The following MAPKAPK2 variants were observed in gnomAD, a reference collection of about 807,000 sequenced individuals.
The protein encoded by MAPKAPK2 is MAP kinase-activated protein kinase 2.
A neutral mutation model predicts 48.8 loss-of-function variants in MAPKAPK2; 9 were observed. That is an observed-to-expected ratio of 0.18 (90% CI 0.11 to 0.32). MAPKAPK2 has a LOEUF of 0.32. MAPKAPK2 is among the 10% of genes least tolerant of loss of function. MAPKAPK2 has a pLI of 1.00. For synonymous variants in MAPKAPK2, 202 were observed against 190.6 expected (o/e 1.06, Z -0.49); for missense variants, 331 against 498.3 (o/e 0.66, Z 3.20).
At chr1:206,686,804 A>G (rs562621720) in intron 1 of MAPKAPK2, among the ~76,000 whole-genome samples, 1 of 152,208 alleles carries the variant, frequency 6.6e-6, no homozygotes, top group African/African-American at 2.4e-5. Flanking sequence ...GGCCTCTAGA[A>G]TTGTTTTCCT....
chr1:206,709,635 A>G (rs951392377), intron 1 of MAPKAPK2, among the ~76,000 whole-genome samples: 1 of 152,246 alleles, frequency 6.6e-6, no homozygotes, highest in Non-Finnish European at 1.5e-5. Flanking sequence ...GGCATTTATT[A>G]TGAACTTTCT....
chr1:206,697,786 G>A (rs1672675684), intron 1 of MAPKAPK2, among the ~76,000 whole-genome samples: 1 of 152,248 alleles, frequency 6.6e-6, no homozygotes. Context: ...ACCTCATGGG[G>A]CTGCTTAACT....
At chr1:206,699,291 A>G (rs1672726309) in intron 1 of MAPKAPK2, among the ~76,000 whole-genome samples, 1 of 152,194 alleles carries the variant, frequency 6.6e-6, no homozygotes, top group African/African-American at 2.4e-5. Context: ...AGGGTGGCCA[A>G]TAAAGGATGC....
At chr1:206,714,605 A>G (rs1673266738) in intron 1 of MAPKAPK2, among the ~76,000 whole-genome samples, 1 of 151,616 alleles carries the variant, frequency 6.6e-6, no homozygotes, top group Non-Finnish European at 1.5e-5. Flanking sequence ...CTCTACTTAA[A>G]AAAAAAAAAA....
intron 1 of MAPKAPK2, among the ~76,000 whole-genome samples, chr1:206,691,395 A>AAT (rs1389659460): frequency 1.3e-5 from 2 of 151,036 alleles, no homozygotes; most frequent in Non-Finnish European, 2.9e-5. Context: ...TGGACAGTGT[A>AAT]ATAACGTATG....
chr1:206,696,045 A>G (rs879952969), intron 1 of MAPKAPK2: 5 of 878,812 alleles, frequency 5.7e-6, no homozygotes, highest in African/African-American at 4.9e-5. Flanking sequence ...CGGGCAGCCA[A>G]CATAGCAGCA....
chr1:206,729,838 G>A (rs782415022), intron 4 of MAPKAPK2, 134 bp from the exon 5 acceptor site: 30 of 1,091,316 alleles, frequency 2.7e-5, no homozygotes, highest in Non-Finnish European at 3.7e-5. Flanking sequence ...GCCACTCCTC[G>A]TGGTGGGCAG....
intron 1 of MAPKAPK2, among the ~76,000 whole-genome samples, chr1:206,703,644 T>A (rs912572997): frequency 6.6e-5 from 10 of 152,220 alleles, no homozygotes; most frequent in African/African-American, 2.4e-4. Context: ...CACACACTTG[T>A]ATTCAGCGAT....
chr1:206,713,446 G>C (rs772055175), intron 1 of MAPKAPK2, among the ~76,000 whole-genome samples: 4 of 152,212 alleles, frequency 2.6e-5, no homozygotes, highest in South Asian at 4.1e-4. Context: ...AGGGAATTTG[G>C]ATTTTATCAT....
intron 1 of MAPKAPK2, among the ~76,000 whole-genome samples, chr1:206,708,494 G>A (rs782663609): frequency 6.6e-6 from 1 of 152,104 alleles, no homozygotes; most frequent in African/African-American, 2.4e-5. Flanking sequence ...CCATTGACCA[G>A]TCCATCTTAT....
chr1:206,685,286 GCCGCCGCA>G lies in MAPKAPK2; in HGVS notation c.58_65del (p.Pro20AlafsTer40). ...CGGTGCCGTTCCCCGCCCCGGCCCC[GCCGCCGCA>G]GCCCCCCACCCCTGCCCTGCCGCAC... is the stretch of plus-strand genomic sequence containing the variant. On this transcript the variant is annotated frameshift_variant, in exon 1 of 10. Coordinates refer to ENST00000367103, the MANE Select transcript of MAPKAPK2 (RefSeq NM_032960.4). LOFTEE classifies it high-confidence loss of function. The G allele has an allele frequency of 4.2e-5, 7 of 164,748 alleles. No homozygotes were observed. Among genetic ancestry groups the G allele is most frequent in the Admixed American group, 8.1e-5 (1 of 12,324 alleles). The allele number at this position is 164,748 out of a possible 1,614,324, so 10.2% of individuals were successfully genotyped here. A position where few individuals can be genotyped will look rare whatever the true frequency, so the allele number is the denominator to read the frequency against.
intron 1 of MAPKAPK2, among the ~76,000 whole-genome samples, chr1:206,722,902 G>A (rs1289229012): frequency 1.3e-5 from 2 of 152,142 alleles, no homozygotes; most frequent in Admixed American, 6.5e-5. Context: ...AACCAGAGTG[G>A]GTGGCCCTGG....
intron 4 of MAPKAPK2, 32 bp downstream of exon 4, chr1:206,729,507 G>A (rs1407520428): frequency 5.7e-6 from 9 of 1,589,868 alleles, no homozygotes; most frequent in Non-Finnish European, 7.8e-6. Flanking sequence ...GAGCCCGAGT[G>A]CTGTGGGGGG....
At chr1:206,702,005 A>G (rs1384975156) in intron 1 of MAPKAPK2, among the ~76,000 whole-genome samples, 7 of 152,162 alleles carry the variant, frequency 4.6e-5, no homozygotes, top group Non-Finnish European at 1.0e-4. Context: ...GTTGAATCCA[A>G]GACTCTTCAG....
chr1:206,712,961 A>C (rs954610076), intron 1 of MAPKAPK2, among the ~76,000 whole-genome samples: 3 of 12,730 alleles, frequency 2.4e-4, no homozygotes, highest in Admixed American at 1.1e-3. Flanking sequence ...ATGAGACTCC[A>C]TCACACACAC....
In MAPKAPK2 at chr1:206,732,891, G is replaced by A. The variant is rs1673973282; in HGVS notation, c.*173G>A. On this transcript the variant is annotated 3_prime_UTR_variant, in exon 10 of 10. Coordinates refer to ENST00000367103, the MANE Select transcript of MAPKAPK2 (RefSeq NM_032960.4). This position sits in a 1 kb window ranked among gnomAD's most constrained non-coding sequence, Gnocchi z 4.4. ...CCTTGGTTCTGGCCACCCCAGAGTG[G>A]GAGAGGCTGGGAGGTTGGGAGGCTG... 1 of 697,086 alleles carries A rather than the reference G, an allele frequency of 1.4e-6. No individual in the cohort carries two copies. Among genetic ancestry groups the A allele is most frequent in the South Asian group, 2.3e-5 (1 of 44,368 alleles). 43.2% of individuals were successfully genotyped at this position (697,086 alleles called of 1,614,324 possible). A position where few individuals can be genotyped will look rare whatever the true frequency, so the allele number is the denominator to read the frequency against.
Position 206,731,005 on chromosome 1 carries a change from T to TGCCTG in MAPKAPK2, c.768-132_768-128dup. 5 of 1,282,968 alleles carry TGCCTG rather than the reference T, an allele frequency of 3.9e-6. No homozygotes were observed. The highest frequency in any genetic ancestry group is 5.6e-6 in the Non-Finnish European group (5 of 895,246). The allele number at this position is 1,282,968 out of a possible 1,614,324, so 79.5% of individuals were successfully genotyped here. ...GCCCCGGGCTTGACTTTGTATATTG[T>TGCCTG]GCCTGTGTCAATAAGCCCTGATTTC... On this transcript the variant is annotated intron_variant, in intron 6 of 9. Coordinates refer to ENST00000367103, the MANE Select transcript of MAPKAPK2 (RefSeq NM_032960.4). This position sits in a 1 kb window ranked among gnomAD's most constrained non-coding sequence, Gnocchi z 5.9.
chr1:206,687,257 A>G (rs1336420153), intron 1 of MAPKAPK2, among the ~76,000 whole-genome samples: 1 of 152,358 alleles, frequency 6.6e-6, no homozygotes, highest in Admixed American at 6.5e-5. Flanking sequence ...TAATAGACAC[A>G]CGCACAAAAT....
At chr1:206,706,600 C>T (rs555178751) in intron 1 of MAPKAPK2, among the ~76,000 whole-genome samples, 4 of 152,146 alleles carry the variant, frequency 2.6e-5, no homozygotes, top group Non-Finnish European at 4.4e-5. Context: ...CTGAGCTCAC[C>T]GAGGCGGGTA....
Sources: gnomAD v4.1 joint callset for allele counts (sites outside exome capture counted in the v4.1 genomes callset) on GRCh38, gnomAD v4.1.1 for gene constraint, Gnocchi (gnomAD v3.1) non-coding constraint, MANE v1.5 for transcripts, NCBI Gene and HGNC (gene_info 2026-07-23, HGNC 2026-07-21) for gene names.